The following SPHKAP variants were observed in gnomAD, a reference collection of about 807,000 sequenced individuals.
The protein encoded by SPHKAP is SPHK1 interactor, AKAP domain containing, also known as A-kinase anchor protein SPHKAP.
A neutral mutation model predicts 137.5 loss-of-function variants in SPHKAP; 67 were observed. That is an observed-to-expected ratio of 0.49 (90% CI 0.40 to 0.60). The LOEUF is 0.60. Ranked by LOEUF, SPHKAP falls within the 20% of genes least tolerant of loss-of-function variation. The probability of loss-of-function intolerance (pLI) is 0.00; values close to 1 mark genes in which losing one functional copy is unlikely to be tolerated. For missense variants in SPHKAP, 2,097 were observed against 2,069.3 expected (o/e 1.01, Z -0.26); for synonymous variants, 813 against 785.3 (o/e 1.04, Z -0.59).
chr2:228,001,203 C>T (rs1287908703), intron 7 of SPHKAP, among the ~76,000 whole-genome samples: 4 of 147,400 alleles, frequency 2.7e-5, no homozygotes, highest in Admixed American at 6.9e-5. Context: ...CTCTTCAGGC[C>T]TTTTGATCAT....
intron 3 of SPHKAP, among the ~76,000 whole-genome samples, chr2:228,107,006 C>A (rs1698361303): frequency 6.6e-6 from 1 of 151,988 alleles, no homozygotes; most frequent in Non-Finnish European, 1.5e-5. Flanking sequence ...TTGAAATATA[C>A]AGTGTATACA....
intron 5 of SPHKAP, 125 bp downstream of exon 5, chr2:228,025,269 T>C (rs1694991722): frequency 2.8e-6 from 3 of 1,069,912 alleles, no homozygotes; most frequent in Non-Finnish European, 3.8e-6. Context: ...TTTTCTCAAA[T>C]ATAAAGACAC....
chr2:228,066,889 C>T (rs1327664759), intron 3 of SPHKAP, among the ~76,000 whole-genome samples: 4 of 152,136 alleles, frequency 2.6e-5, no homozygotes, highest in East Asian at 1.9e-4. Context: ...GGTAATACTT[C>T]GGAAACTGTA....
intron 3 of SPHKAP, among the ~76,000 whole-genome samples, chr2:228,034,819 A>G (rs1212460447): frequency 6.6e-6 from 1 of 152,248 alleles, no homozygotes; most frequent in African/African-American, 2.4e-5. Context: ...GGCTTTCGAC[A>G]AAATTCAACA....
intron 1 of SPHKAP, among the ~76,000 whole-genome samples, chr2:228,140,185 G>T (rs768817347): frequency 4.0e-4 from 60 of 151,490 alleles, no homozygotes; most frequent in Non-Finnish European, 8.0e-4. Context: ...GACCTCAGGT[G>T]ATGTGCCTGT....
intron 1 of SPHKAP, among the ~76,000 whole-genome samples, chr2:228,152,279 G>T (rs1699958950): frequency 6.6e-6 from 1 of 152,020 alleles, no homozygotes; most frequent in Non-Finnish European, 1.5e-5. Context: ...ATTTCTTCTT[G>T]TAATTCTGTT....
intron 3 of SPHKAP, among the ~76,000 whole-genome samples, chr2:228,092,264 T>C (rs1424299229): frequency 5.5e-5 from 8 of 144,176 alleles, no homozygotes; most frequent in East Asian, 2.0e-4. Flanking sequence ...TGTGTATACG[T>C]ACACACACAC....
intron 7 of SPHKAP, among the ~76,000 whole-genome samples, chr2:228,002,214 C>T (rs562645590): frequency 1.3e-5 from 2 of 152,302 alleles, no homozygotes; most frequent in South Asian, 4.1e-4. Flanking sequence ...TGTTTCTCCA[C>T]ATCCTCTCCA....
chr2:228,105,846 T>C (rs1412178600), intron 3 of SPHKAP, among the ~76,000 whole-genome samples: 2 of 152,146 alleles, frequency 1.3e-5, no homozygotes, highest in East Asian at 1.9e-4. Context: ...AACTGTGAGT[T>C]CATTAAACCT....
At chr2:228,098,227 ATAAT>A (rs1344275357) in intron 3 of SPHKAP, among the ~76,000 whole-genome samples, 1 of 152,036 alleles carries the variant, frequency 6.6e-6, no homozygotes, top group African/African-American at 2.4e-5. Flanking sequence ...CATTTCTCTG[ATAAT>A]TACTGATGTT....
intron 1 of SPHKAP, among the ~76,000 whole-genome samples, chr2:228,149,335 T>C (rs1699863277): frequency 1.3e-5 from 2 of 152,176 alleles, no homozygotes; most frequent in African/African-American, 2.4e-5. Context: ...ATTATAATTA[T>C]GAAAAAATAA....
intron 2 of SPHKAP, among the ~76,000 whole-genome samples, chr2:228,116,629 C>T (rs1166778940): frequency 3.3e-5 from 5 of 152,146 alleles, no homozygotes; most frequent in Non-Finnish European, 7.4e-5. Flanking sequence ...CTGTCAGAAA[C>T]TAAGCTAGGT....
Position 227,995,620 on chromosome 2 carries a change from T to C in SPHKAP, c.4523A>G (p.Asn1508Ser). ...TEARAPDEAP[N>S]PPSSSEESTG... Reference sequence around the variant, plus strand: ...GCTCTCCTCGCTGCTGCTTGGAGGGTTGGGGGCCTCATCGGGGGCTCTGGC... The same window carrying C: ...GCTCTCCTCGCTGCTGCTTGGAGGGCTGGGGGCCTCATCGGGGGCTCTGGC... The change falls in exon 8 of 12, where the codon AAC (asparagine) becomes AGC (serine). Residue 1508 changes from asparagine to serine, a missense_variant. Coordinates refer to ENST00000392056, the MANE Select transcript of SPHKAP (RefSeq NM_001142644.2). 6.2e-7 allele frequency: 1 copy of C among 1,613,814 alleles called. No homozygotes were observed. Among genetic ancestry groups the C allele is most frequent in the South Asian group, 1.1e-5 (1 of 91,036 alleles).
intron 3 of SPHKAP, among the ~76,000 whole-genome samples, chr2:228,052,114 T>G (rs1346496902): frequency 1.3e-5 from 2 of 151,718 alleles, no homozygotes; most frequent in Admixed American, 6.6e-5. Flanking sequence ...TTGAAGATTA[T>G]GAGAGCCAAA....
At chr2:228,043,998 T>C (rs1695941733) in intron 3 of SPHKAP, among the ~76,000 whole-genome samples, 1 of 152,200 alleles carries the variant, frequency 6.6e-6, no homozygotes, top group African/African-American at 2.4e-5. Flanking sequence ...ATAATTTATA[T>C]ACTTAGAATC....
At chr2:228,083,098 G>T (rs543349241) in intron 3 of SPHKAP, among the ~76,000 whole-genome samples, 1 of 152,200 alleles carries the variant, frequency 6.6e-6, no homozygotes, top group Non-Finnish European at 1.5e-5. Context: ...TAGGAAAGTT[G>T]TTTCCTCAAA....
chr2:228,054,667 AC>A (rs1696375305), intron 3 of SPHKAP, among the ~76,000 whole-genome samples: 1 of 152,108 alleles, frequency 6.6e-6, no homozygotes, highest in South Asian at 2.1e-4. Flanking sequence ...GCATGAGAGC[AC>A]CTTGGAAAAG....
At chr2:228,023,346 G>A (rs1188015059) in intron 5 of SPHKAP, among the ~76,000 whole-genome samples, 1 of 152,152 alleles carries the variant, frequency 6.6e-6, no homozygotes, top group Non-Finnish European at 1.5e-5. Flanking sequence ...TGCAGCCATG[G>A]CATCACCAGG....
chr2:228,060,674 A>G (rs1413990414), intron 3 of SPHKAP, among the ~76,000 whole-genome samples: 1 of 152,200 alleles, frequency 6.6e-6, no homozygotes, highest in Non-Finnish European at 1.5e-5. Flanking sequence ...AGTCAAATCA[A>G]TGATGTTTGA....
Sources: gnomAD v4.1 joint callset for allele counts (sites outside exome capture counted in the v4.1 genomes callset) on GRCh38, gnomAD v4.1.1 for gene constraint, MANE v1.5 for transcripts, NCBI Gene and HGNC (gene_info 2026-07-23, HGNC 2026-07-21) for gene names.